COA1: variants seen among roughly 807,000 people sequenced by gnomAD.
The protein encoded by COA1 is cytochrome c oxidase assembly factor 1, also known as cytochrome c oxidase assembly factor 1 homolog.
In COA1, 13 loss-of-function variants were observed where a neutral mutation model predicts 16.0. That is an observed-to-expected ratio of 0.81 (90% confidence interval 0.53 to 1.29). The LOEUF (loss-of-function observed/expected upper bound fraction) is 1.29. Ranked by LOEUF, COA1 falls within the 50% of genes most tolerant of loss-of-function variation. The pLI, the probability that COA1 is intolerant of heterozygous loss-of-function variation, is 0.00. For missense variants in COA1, 179 were observed against 177.0 expected (o/e 1.01, Z -0.06); for synonymous variants, 65 against 65.7 (o/e 0.99, Z 0.05).
At chr7:43,725,522 T>C (rs556858260) in intron 1 of COA1, among the ~76,000 whole-genome samples, 1 of 152,344 alleles carries the variant, frequency 6.6e-6, no homozygotes, top group South Asian at 2.1e-4. Context: ...AGCTATTGTA[T>C]ATCACTTTCC....
intron 1 of COA1, among the ~76,000 whole-genome samples, chr7:43,723,839 A>C (rs2095557662): frequency 6.6e-6 from 1 of 152,164 alleles, no homozygotes; most frequent in Non-Finnish European, 1.5e-5. Flanking sequence ...AAGCAGGAGG[A>C]TCACTTGAGC....
At chr7:43,685,204 T>C (rs1376181584) in intron 1 of COA1, among the ~76,000 whole-genome samples, 6 of 151,122 alleles carry the variant, frequency 4.0e-5, no homozygotes, top group Admixed American at 6.6e-5. Context: ...GTGTCTCTTA[T>C]AACCTCTCCA....
intron 6 of COA1, chr7:43,624,959 A>C (rs2084341783): frequency 1.0e-6 from 1 of 953,218 alleles, no homozygotes; most frequent in East Asian, 2.8e-5. Context: ...ACTTACACAA[A>C]CAAAAATAAC....
At chr7:43,696,216 TAA>T (rs2131205521) in intron 1 of COA1, among the ~76,000 whole-genome samples, 1 of 152,168 alleles carries the variant, frequency 6.6e-6, no homozygotes, top group Admixed American at 6.5e-5. Context: ...AAATGAACGG[TAA>T]AGAGGCAAAG....
rs755827781 is a variant in COA1 at position 43,715,006 on chromosome 7, T to TAA, written c.-39+14421_-39+14422dup. ...TGGGCAAAAGAGTGAGCCTCTTGTC[T>TAA]AAAAAAAAAAAAAAAAAAAAAAAAA... is the stretch of plus-strand genomic sequence containing the variant. On this transcript the variant is annotated intron_variant, in intron 1 of 5. Transcript: ENST00000223336. Among the ~76,000 whole-genome samples, 838 of 95,686 alleles carry TAA rather than the reference T, an allele frequency of 8.8e-3. 2 individuals are homozygous for TAA. The highest frequency in any genetic ancestry group is 0.013 in the Non-Finnish European group (630 of 50,164). 62.8% of individuals were successfully genotyped at this position (95,686 alleles called of 152,430 possible).
At chr7:43,696,879 C>T (rs1302087211) in intron 1 of COA1, among the ~76,000 whole-genome samples, 1 of 151,820 alleles carries the variant, frequency 6.6e-6, no homozygotes, top group Admixed American at 6.6e-5. Context: ...AATCCCAGCA[C>T]TTTGGGAAGC....
intron 4 of COA1, among the ~76,000 whole-genome samples, chr7:43,644,273 A>G (rs374020968): frequency 6.4e-4 from 97 of 152,268 alleles, no homozygotes; most frequent in African/African-American, 2.2e-3. Flanking sequence ...AACCCCCAAA[A>G]GCCTTCTGCA....
At chr7:43,694,797 T>A (rs1281413872) in intron 1 of COA1, among the ~76,000 whole-genome samples, 2 of 152,204 alleles carry the variant, frequency 1.3e-5, no homozygotes, top group Non-Finnish European at 2.9e-5. Flanking sequence ...GGCCTCTTTG[T>A]ATTCCAGGCT....
chr7:43,648,375 TC>T (rs2090009874), intron 2 of COA1: 1 of 626,282 alleles, frequency 1.6e-6, no homozygotes, highest in Admixed American at 2.7e-5. Flanking sequence ...ATGGAGAGGT[TC>T]CCAGAGTGTT....
chr7:43,661,566 C>T (rs994906369), intron 1 of COA1, among the ~76,000 whole-genome samples: 2 of 150,836 alleles, frequency 1.3e-5, no homozygotes, highest in South Asian at 2.1e-4. Flanking sequence ...ACCCGGGAGG[C>T]GGAGCTTGCA....
At chr7:43,687,697 A>C (rs568345541) in intron 1 of COA1, among the ~76,000 whole-genome samples, 6 of 152,266 alleles carry the variant, frequency 3.9e-5, no homozygotes, top group African/African-American at 1.4e-4. Flanking sequence ...AAAAGAAAAT[A>C]GTGTTTTATA....
At chr7:43,693,053 AT>A (rs2094425739) in intron 1 of COA1, among the ~76,000 whole-genome samples, 1 of 152,064 alleles carries the variant, frequency 6.6e-6, no homozygotes, top group African/African-American at 2.4e-5. Context: ...CTCCCCTGCA[AT>A]TTTAATGTAC....
chr7:43,694,846 G>A (rs1436847543), intron 1 of COA1, among the ~76,000 whole-genome samples: 1 of 152,132 alleles, frequency 6.6e-6, no homozygotes, highest in Non-Finnish European at 1.5e-5. Flanking sequence ...CAACCTGAAT[G>A]CTGAGCAGGC....
intron 1 of COA1, chr7:43,711,520 T>C (rs866451552): frequency 2.6e-5 from 4 of 152,210 alleles, no homozygotes; most frequent in African/African-American, 7.2e-5. Context: ...GGTGGGAATC[T>C]GCTTTTTAAA....
chr7:43,664,742 G>C (rs2092761737), intron 1 of COA1, among the ~76,000 whole-genome samples: 1 of 152,124 alleles, frequency 6.6e-6, no homozygotes. Context: ...GTGAGATACT[G>C]TCTCTAAAAA....
chr7:43,714,038 G>GA (rs1435946061), intron 1 of COA1, among the ~76,000 whole-genome samples: 28 of 150,360 alleles, frequency 1.9e-4, no homozygotes, highest in Non-Finnish European at 3.4e-4. Flanking sequence ...CAGATGGCAG[G>GA]AAAAAAAAAT....
chr7:43,649,158 CT>C (rs2090219944), intron 1 of COA1: 2 of 152,454 alleles, frequency 1.3e-5, no homozygotes, highest in African/African-American at 4.8e-5. Context: ...ATTCTAAGCA[CT>C]TTATATAATT....
intron 1 of COA1, among the ~76,000 whole-genome samples, chr7:43,662,358 T>C (rs1584628300): frequency 6.6e-6 from 1 of 152,184 alleles, no homozygotes; most frequent in East Asian, 1.9e-4. Flanking sequence ...GCCTCCCAAA[T>C]AGCTGGGACT....
intron 1 of COA1, among the ~76,000 whole-genome samples, chr7:43,718,393 T>C (rs933750122): frequency 1.3e-5 from 2 of 152,232 alleles, no homozygotes; most frequent in Admixed American, 6.5e-5. Flanking sequence ...TGCTTTCCAC[T>C]TGACATCAGT....
Sources: allele counts gnomAD v4.1 joint callset (sites outside exome capture counted in the v4.1 genomes callset), GRCh38; gene constraint gnomAD v4.1.1; transcripts MANE v1.5; gene names NCBI Gene and HGNC (gene_info 2026-07-23, HGNC 2026-07-21).